The following KLF12 variants were observed in gnomAD, a reference collection of about 807,000 sequenced individuals.
The protein encoded by KLF12 is Krueppel-like factor 12.
A neutral mutation model predicts 37.8 loss-of-function variants in KLF12; 9 were observed. That is an observed-to-expected ratio of 0.24 (90% CI 0.14 to 0.42). The LOEUF (loss-of-function observed/expected upper bound fraction) is 0.42. Ranked by LOEUF, KLF12 falls within the 10% of genes least tolerant of loss-of-function variation. KLF12 has a pLI of 1.00. For synonymous variants in KLF12, 208 were observed against 202.1 expected (o/e 1.03, Z -0.25); for missense variants, 411 against 516.0 (o/e 0.80, Z 1.97).
chr13:74,028,836 T>C (rs1893041408), intron 1 of KLF12, among the ~76,000 whole-genome samples: 1 of 4,206 alleles, frequency 2.4e-4, no homozygotes, highest in Non-Finnish European at 6.3e-3. Context: ...GAAAGAATTT[T>C]CAATTTTTTT....
intron 3 of KLF12, among the ~76,000 whole-genome samples, chr13:73,903,833 C>G: frequency 6.6e-6 from 1 of 152,296 alleles, no homozygotes; most frequent in African/African-American, 2.4e-5. Flanking sequence ...CTCATAGGAG[C>G]GGGAGCCCTA....
At chr13:73,874,122 G>C (rs1886596708) in intron 3 of KLF12, among the ~76,000 whole-genome samples, 2 of 152,196 alleles carry the variant, frequency 1.3e-5, no homozygotes, top group South Asian at 4.1e-4. Context: ...TATTAAGGAA[G>C]TAGCAGTTCT....
intron 1 of KLF12, among the ~76,000 whole-genome samples, chr13:74,031,814 T>G (rs1463610599): frequency 1.3e-5 from 2 of 152,078 alleles, no homozygotes; most frequent in Non-Finnish European, 2.9e-5. Context: ...AAAAATGTGC[T>G]TCTCAATTTT....
intron 1 of KLF12, among the ~76,000 whole-genome samples, chr13:74,132,026 A>G (rs1412074499): frequency 1.3e-5 from 2 of 152,268 alleles, no homozygotes; most frequent in East Asian, 1.9e-4. Context: ...TCTAACCTAA[A>G]AGTATACTCC....
At chr13:73,966,349 T>C (rs949860417) in intron 2 of KLF12, among the ~76,000 whole-genome samples, 5 of 151,830 alleles carry the variant, frequency 3.3e-5, no homozygotes, top group Admixed American at 3.3e-4. Context: ...AATGAGTCTA[T>C]AATGAACATG....
chr13:74,007,541 C>T (rs1892443435), intron 1 of KLF12, among the ~76,000 whole-genome samples: 1 of 152,106 alleles, frequency 6.6e-6, no homozygotes. Flanking sequence ...TCCCAGTGTG[C>T]TGGGATTACA....
At chr13:73,986,814 G>A (rs1229985304) in intron 2 of KLF12, among the ~76,000 whole-genome samples, 1 of 152,104 alleles carries the variant, frequency 6.6e-6, no homozygotes, top group African/African-American at 2.4e-5. Context: ...AGGCTCTAGA[G>A]GCCGGTAAGG....
chr13:74,058,414 CG>C (rs1873381252), intron 1 of KLF12, among the ~76,000 whole-genome samples: 3 of 136,078 alleles, frequency 2.2e-5, no homozygotes, highest in African/African-American at 8.3e-5. Context: ...TGGAGTGCAG[CG>C]GCATCATCTC....
chr13:74,122,464 T>C (rs1877688355), intron 1 of KLF12, among the ~76,000 whole-genome samples: 1 of 152,096 alleles, frequency 6.6e-6, no homozygotes, highest in African/African-American at 2.4e-5. Flanking sequence ...GGTAATAATA[T>C]GAATTACTAT....
intron 3 of KLF12, among the ~76,000 whole-genome samples, chr13:73,850,538 A>G (rs1885281474): frequency 1.3e-5 from 2 of 152,234 alleles, no homozygotes; most frequent in South Asian, 4.1e-4. Flanking sequence ...TGGAATTTAA[A>G]AAGAAAGAAA....
intron 6 of KLF12, among the ~76,000 whole-genome samples, chr13:73,738,277 TG>T (rs1362229672): frequency 2.0e-5 from 3 of 149,926 alleles, no homozygotes; most frequent in Non-Finnish European, 4.4e-5. Flanking sequence ...CCCAAGTAGC[TG>T]GGATTACAGG....
chr13:74,209,263 G>T, the KLF12 span, among the ~76,000 whole-genome samples: 1 of 151,734 alleles, frequency 6.6e-6, no homozygotes, highest in East Asian at 1.9e-4. Context: ...TTTCCTTCCT[G>T]CAACATCTAA....
intron 3 of KLF12, among the ~76,000 whole-genome samples, chr13:73,927,330 A>G (rs1452522456): frequency 6.6e-6 from 1 of 152,210 alleles, no homozygotes; most frequent in African/African-American, 2.4e-5. Context: ...TACAAGTAAC[A>G]GTTTTCTTGT....
chr13:74,096,537 G>C (rs1875997746), intron 1 of KLF12, among the ~76,000 whole-genome samples: 1 of 152,178 alleles, frequency 6.6e-6, no homozygotes, highest in Non-Finnish European at 1.5e-5. Flanking sequence ...GATCTCTTCA[G>C]AGAAACTATT....
At chr13:74,056,188 G>A (rs1255990466) in intron 1 of KLF12, among the ~76,000 whole-genome samples, 1 of 152,140 alleles carries the variant, frequency 6.6e-6, no homozygotes, top group African/African-American at 2.4e-5. Context: ...GGGAGGGAAA[G>A]AGGGAGAGAA....
At chr13:74,002,583 G>A (rs563964621) in intron 1 of KLF12, among the ~76,000 whole-genome samples, 26 of 151,868 alleles carry the variant, frequency 1.7e-4, no homozygotes, top group African/African-American at 6.3e-4. Context: ...GCTTAGGCTG[G>A]TCTCAAATTC....
At chr13:74,227,833 A>G in the KLF12 span, among the ~76,000 whole-genome samples, 4 of 152,198 alleles carry the variant, frequency 2.6e-5, no homozygotes, top group South Asian at 8.3e-4. Context: ...AAATAAAAAC[A>G]TAGTCCAACC....
the KLF12 span, among the ~76,000 whole-genome samples, chr13:74,212,982 T>C: frequency 6.6e-6 from 1 of 152,128 alleles, no homozygotes; most frequent in East Asian, 1.9e-4. Flanking sequence ...AGAATGAATG[T>C]GGCACTAATA....
Position 73,820,050 on chromosome 13 carries a change from AT to A in KLF12, c.671-6764del, listed in dbSNP as rs1033163728. ...CTTGGAGGGTGACATAGGCTTTTGA[AT>A]TTTGCTCTGGGTGAGAAGGGAAGCC... On this transcript the variant is annotated intron_variant, in intron 4 of 7. Coordinates refer to ENST00000377669, the MANE Select transcript of KLF12 (RefSeq NM_007249.5). 3.6e-4 allele frequency among the ~76,000 whole-genome samples: 55 copies of A among 152,224 alleles called. 1 individual carries two copies. Among genetic ancestry groups the A allele is most frequent in the African/African-American group, 1.3e-3 (55 of 41,536 alleles).
Sources: gnomAD v4.1 joint callset for allele counts (sites outside exome capture counted in the v4.1 genomes callset) on GRCh38, gnomAD v4.1.1 for gene constraint, MANE v1.5 for transcripts, NCBI Gene and HGNC (gene_info 2026-07-23, HGNC 2026-07-21) for gene names.